Variants in CEMIP observed in about 807,000 individuals in gnomAD.
The protein encoded by CEMIP is cell migration-inducing and hyaluronan-binding protein.
A neutral mutation model predicts 156.9 loss-of-function variants in CEMIP; 105 were observed. The observed-to-expected ratio is 0.67, with a 90% CI of 0.57 to 0.79. The LOEUF is 0.79. Among genes scored for constraint, CEMIP ranks in the 30% least tolerant of loss-of-function variants. CEMIP has a pLI of 0.00. For missense variants in CEMIP, 1,457 were observed against 1,769.4 expected, an observed-to-expected ratio of 0.82 and a Z score of 3.17; for synonymous variants, 676 against 668.4, an observed-to-expected ratio of 1.01 and a Z score of -0.17.
chr15:80,931,564 A>G (rs1478277931), intron 21 of CEMIP, among the ~76,000 whole-genome samples: 1 of 152,202 alleles, frequency 6.6e-6, no homozygotes, highest in African/African-American at 2.4e-5. Flanking sequence ...AACTAGATGG[A>G]TATTCAACTC....
chr15:80,885,763 A>T (rs976555346), intron 7 of CEMIP, among the ~76,000 whole-genome samples: 8 of 152,204 alleles, frequency 5.3e-5, no homozygotes, highest in Non-Finnish European at 1.2e-4. Flanking sequence ...GATAATATGA[A>T]CAAAATATTT....
At chr15:80,905,375 G>A (rs754179661) in intron 12 of CEMIP, among the ~76,000 whole-genome samples, 4 of 152,328 alleles carry the variant, frequency 2.6e-5, no homozygotes, top group Non-Finnish European at 5.9e-5. Context: ...TTTAGAGCCC[G>A]CCTAAGATCT....
chr15:80,792,557 C>A (rs566300243), intron 1 of CEMIP, among the ~76,000 whole-genome samples: 37 of 152,288 alleles, frequency 2.4e-4, no homozygotes, highest in Non-Finnish European at 3.8e-4. Flanking sequence ...AACTAATACA[C>A]GGCAACTTCT....
chr15:80,880,969 T>C lies in CEMIP; in HGVS notation c.450T>C (p.Ala150=). 6.2e-7 allele frequency: 1 copy of C among 1,614,192 alleles called. No individual in the cohort carries two copies. The highest frequency in any genetic ancestry group is 1.3e-5 in the African/African-American group (1 of 75,046). Reference sequence around the variant, plus strand: ...ACATTGGGGTTGGTAAAGGAGGCGCTCTTGAGTTGCATGGACAGAAAAAGC... The same window carrying C: ...ACATTGGGGTTGGTAAAGGAGGCGCCCTTGAGTTGCATGGACAGAAAAAGC... ...LKYIGVGKGG[A]LELHGQKKLS... is the part of the protein sequence containing the mutation. Residue 150 remains alanine (A), a synonymous_variant, in exon 6 of 30, where the codon GCT becomes GCC. Coordinates refer to ENST00000394685, the MANE Select transcript of CEMIP (RefSeq NM_001293298.2).
In CEMIP at chr15:80,795,112, G is replaced by A. The variant is rs981242528; in HGVS notation, c.-176+15498G>A. ...GGTGAGGAGCAAGGCAGGACTGAAG[G>A]GGAGGCAGGGGTGAGGGGGCAGGAA... On this transcript the variant is annotated intron_variant, in intron 1 of 29. Coordinates refer to ENST00000394685, the MANE Select transcript of CEMIP (RefSeq NM_001293298.2). Among the ~76,000 whole-genome samples the A allele has an allele frequency of 5.9e-5, 9 of 152,184 alleles. 2 individuals carry two copies. Among genetic ancestry groups the A allele is most frequent in the Admixed American group, 1.3e-4 (2 of 15,288 alleles).
chr15:80,840,078 A>AG (rs1897363743), intron 1 of CEMIP, among the ~76,000 whole-genome samples: 1 of 152,212 alleles, frequency 6.6e-6, no homozygotes, highest in Non-Finnish European at 1.5e-5. Flanking sequence ...GAAAGTCATA[A>AG]GCACCCAATT....
chr15:80,945,186 A>G (rs1264127881), intron 28 of CEMIP, among the ~76,000 whole-genome samples: 3 of 152,164 alleles, frequency 2.0e-5, no homozygotes, highest in Admixed American at 2.0e-4. Flanking sequence ...ACTCTGTGGG[A>G]GACTGTGCTG....
At chr15:80,851,388 C>A (rs1897712214) in intron 1 of CEMIP, among the ~76,000 whole-genome samples, 1 of 152,286 alleles carries the variant, frequency 6.6e-6, no homozygotes, top group African/African-American at 2.4e-5. Flanking sequence ...ATCCCACAAG[C>A]CTTTACTGAA....
At chr15:80,880,612 C>G (rs58407718) in intron 5 of CEMIP, among the ~76,000 whole-genome samples, 1 of 152,064 alleles carries the variant, frequency 6.6e-6, no homozygotes, top group Admixed American at 6.5e-5. Flanking sequence ...ATTCTTGTAT[C>G]TTTAGTAGAG....
intron 1 of CEMIP, among the ~76,000 whole-genome samples, chr15:80,812,032 G>A (rs1003910305): frequency 6.6e-6 from 1 of 151,316 alleles, no homozygotes; most frequent in Non-Finnish European, 1.5e-5. Flanking sequence ...GGCTTTCTCT[G>A]TATGTTGCCC....
At chr15:80,946,736 G>A (rs1358471883) in intron 28 of CEMIP, 4 of 556,192 alleles carry the variant, frequency 7.2e-6, no homozygotes, top group Non-Finnish European at 9.9e-6. Context: ...GAAGGCTGTG[G>A]GCACCAACTG....
intron 6 of CEMIP, among the ~76,000 whole-genome samples, chr15:80,882,761 C>T (rs1199659182): frequency 2.7e-5 from 2 of 74,486 alleles, no homozygotes; most frequent in African/African-American, 6.8e-5. Flanking sequence ...CACACATACA[C>T]ACACACACAC....
chr15:80,906,149 T>C lies in CEMIP; in HGVS notation c.1412-514T>C, dbSNP rs919383388. The stretch of plus-strand genomic sequence containing the variant: ...TGTTTTATCTTCCTAAGATCGGCAA[T>C]CTACGGTATCATCCAGAGACCAGGT... On this transcript the variant is annotated intron_variant, in intron 12 of 29. Transcript: ENST00000394685. This position sits in a 1 kb window ranked among gnomAD's most constrained non-coding sequence, Gnocchi z 4.3. 6.6e-6 allele frequency among the ~76,000 whole-genome samples: 1 copy of C among 152,224 alleles called. No homozygotes were observed. The highest frequency in any genetic ancestry group is 1.5e-5 in the Non-Finnish European group (1 of 68,026).
At chr15:80,805,252 CTG>C (rs1338454145) in intron 1 of CEMIP, among the ~76,000 whole-genome samples, 1 of 152,202 alleles carries the variant, frequency 6.6e-6, no homozygotes, top group East Asian at 1.9e-4. Flanking sequence ...TGTTTGCATT[CTG>C]TGAGTCAGGT....
intron 1 of CEMIP, among the ~76,000 whole-genome samples, chr15:80,793,728 G>T (rs111912406): frequency 1.3e-5 from 2 of 152,188 alleles, no homozygotes; most frequent in African/African-American, 4.8e-5. Flanking sequence ...AGGGAGAGGT[G>T]CATAGTGTAT....
intron 12 of CEMIP, among the ~76,000 whole-genome samples, chr15:80,898,178 T>C (rs1899309526): frequency 6.6e-6 from 1 of 152,204 alleles, no homozygotes; most frequent in Non-Finnish European, 1.5e-5. Context: ...CAGAATAGAA[T>C]AAAGAACATG....
intron 17 of CEMIP, among the ~76,000 whole-genome samples, chr15:80,922,615 G>T (rs139929214): frequency 6.6e-6 from 1 of 152,234 alleles, no homozygotes; most frequent in Non-Finnish European, 1.5e-5. Flanking sequence ...CTTGGGAAAT[G>T]AATGGGTTGC....
intron 12 of CEMIP, among the ~76,000 whole-genome samples, chr15:80,900,608 G>GTT (rs1421917536): frequency 2.2e-5 from 3 of 139,158 alleles, no homozygotes; most frequent in Non-Finnish European, 4.7e-5. Context: ...GTGTGTGTGT[G>GTT]TGTGTGTGTG....
chr15:80,858,693 C>A (rs1342744808), intron 1 of CEMIP, among the ~76,000 whole-genome samples: 1 of 152,068 alleles, frequency 6.6e-6, no homozygotes, highest in African/African-American at 2.4e-5. Flanking sequence ...CCATTGCACT[C>A]CAGCCTGAGC....
Sources: allele counts gnomAD v4.1 joint callset (sites outside exome capture counted in the v4.1 genomes callset), GRCh38; gene constraint gnomAD v4.1.1; non-coding constraint Gnocchi (gnomAD v3.1); transcripts MANE v1.5; gene names NCBI Gene and HGNC (gene_info 2026-07-23, HGNC 2026-07-21).